The following B3GNT9 variants were observed in gnomAD, a reference collection of about 807,000 sequenced individuals.
B3GNT9 encodes BGnT-9.
For synonymous variants in B3GNT9, 359 were observed against 283.9 expected (o/e 1.26, Z -2.66); for missense variants, 669 against 599.2 (o/e 1.12, Z -1.22).
In B3GNT9 at chr16:67,149,830, C is replaced by T. The variant is rs1387654179; in HGVS notation, c.656G>A (p.Cys219Tyr). 3 of 1,613,660 alleles carry T rather than the reference C, an allele frequency of 1.9e-6. No individual in the cohort carries two copies. The highest frequency in any genetic ancestry group is 2.2e-5 in the South Asian group (2 of 91,062). ...CTTAAAAACGAAGCGCACGTCGGGG[C>T]AGAAAGCTGAGGCCCAGGCTAGAAA... Reference protein sequence around the residue: ...IHFLAWASAFCPDVRFVFKGD... With the variant: ...IHFLAWASAFYPDVRFVFKGD... The change falls in exon 2 of 2, where the codon TGC becomes TAC. Residue 219 changes from cysteine to tyrosine, a missense_variant. Physicochemically the swap from Cys to Tyr is radical, Grantham distance 194 (BLOSUM62 -2). Coordinates refer to ENST00000449549, the MANE Select transcript of B3GNT9 (RefSeq NM_033309.3).
At position 67,149,646 on chromosome 16, in the gene B3GNT9, C is replaced by T. The variant is rs2030376374; in HGVS notation, c.840G>A (p.Leu280=). ...CGCCCGCGTAGGCCGGATAGGCGGG[C>T]AGGCCGTACACGGCCTCGGGGATGT... ...KYYIPEAVYG[L]PAYPAYAGGG... is the part of the protein sequence containing the mutation. The change falls in exon 2 of 2, where the codon CTG becomes CTA. Residue 280 remains leucine (L), a synonymous_variant. Coordinates refer to ENST00000449549, the MANE Select transcript of B3GNT9 (RefSeq NM_033309.3). The T allele has an allele frequency of 6.2e-7, 1 of 1,601,418 alleles. No homozygotes were observed. Among genetic ancestry groups the T allele is most frequent in the Non-Finnish European group, 8.5e-7 (1 of 1,174,396 alleles).
At position 67,149,420 on chromosome 16, in the gene B3GNT9, A is replaced by T; in HGVS notation, c.1066T>A (p.Cys356Ser). The T allele has an allele frequency of 6.2e-7, 1 of 1,604,558 alleles. No homozygotes were observed. Among genetic ancestry groups the T allele is most frequent in the South Asian group, 1.1e-5 (1 of 89,578 alleles). The part of the protein sequence containing the change: ...AAPHLSTFDP[C>S]FYRELVVVHG... ...ACTACAACCAGCTCACGGTAAAAGC[A>T]GGGGTCGAAGGTGCTCAAATGCGGC... Residue 356 changes from cysteine (C) to serine (S), a missense_variant, in exon 2 of 2, where the codon TGC (cysteine) becomes AGC (serine). By Grantham distance (112) the Cys-to-Ser change is moderately radical. Coordinates refer to ENST00000449549, the MANE Select transcript of B3GNT9 (RefSeq NM_033309.3).
At position 67,149,084 on chromosome 16, in the gene B3GNT9, A is replaced by T. The variant is rs767594917; in HGVS notation, c.*193T>A. 3.1e-5 allele frequency: 38 copies of T among 1,237,856 alleles called. No homozygotes were observed. The South Asian group carries it at 5.3e-4, about 17-fold the overall frequency. The allele number at this position is 1,237,856 out of a possible 1,614,324, so 76.7% of individuals were successfully genotyped here. ...CTACCACCCAGCCTTGGCTCGCTCA[A>T]AGGGTCACCATTACACGGGTTTCAA... On this transcript the variant is annotated 3_prime_UTR_variant, in exon 2 of 2. Coordinates refer to ENST00000449549, the MANE Select transcript of B3GNT9 (RefSeq NM_033309.3).
Position 67,148,559 on chromosome 16 carries a change from T to A in B3GNT9, c.*718A>T, listed in dbSNP as rs1000963083. ...TATTAAGGTAAGTGTGGGTATTGGTTTTTTGAGCAAGGGGGTGGTTGAAGC... is the reference window on the plus strand; with the variant it reads ...TATTAAGGTAAGTGTGGGTATTGGTATTTTGAGCAAGGGGGTGGTTGAAGC... On this transcript the variant is annotated 3_prime_UTR_variant, in exon 2 of 2. Transcript: ENST00000449549. The A allele has an allele frequency of 1.3e-5, 2 of 152,242 alleles. No homozygotes were observed. The highest frequency in any genetic ancestry group is 2.9e-5 in the Non-Finnish European group (2 of 68,090). 9.4% of individuals were successfully genotyped at this position (152,242 alleles called of 1,614,324 possible). A position where few individuals can be genotyped will look rare whatever the true frequency, so the allele number is the denominator to read the frequency against.
chr16:67,149,457 C>T lies in B3GNT9; in HGVS notation c.1029G>A (p.Gln343=). The T allele has an allele frequency of 5.0e-6, 8 of 1,607,512 alleles. No individual in the cohort carries two copies. The highest frequency in any genetic ancestry group is 6.8e-6 in the Non-Finnish European group (8 of 1,176,960). Residue 343 remains glutamine, a synonymous_variant, in exon 2 of 2, where the codon CAG becomes CAA. Coordinates refer to ENST00000449549, the MANE Select transcript of B3GNT9 (RefSeq NM_033309.3). The part of the protein sequence containing the change: ...HPAFRTFGIP[Q]PSAAPHLSTF... ...TGCTCAAATGCGGCGCGGCTGAAGG[C>T]TGGGGGATGCCAAAGGTGCGGAAGG...
Position 67,150,142 on chromosome 16 carries a change from C to A in B3GNT9, c.344G>T (p.Arg115Leu), listed in dbSNP as rs2030411407. Reference sequence around the variant, plus strand: ...CTTGACAGCAATAAGCAGGTCCGGGCGGCCACCGGGTGCGCCGTCGCCGCG... The same window carrying A: ...CTTGACAGCAATAAGCAGGTCCGGGAGGCCACCGGGTGCGCCGTCGCCGCG... Reference protein sequence around the residue: ...KCRGDGAPGGRPDLLIAVKSV... With the variant: ...KCRGDGAPGGLPDLLIAVKSV... Residue 115 changes from arginine to leucine, a missense_variant, in exon 2 of 2, where the codon CGC (arginine) becomes CTC (leucine). By Grantham distance (102) the Arg-to-Leu change is moderately radical. Coordinates refer to ENST00000449549, the MANE Select transcript of B3GNT9 (RefSeq NM_033309.3). The A allele has an allele frequency of 1.3e-6, 2 of 1,523,850 alleles. No homozygotes were observed. The highest frequency in any genetic ancestry group is 2.7e-5 in the East Asian group (1 of 37,638). The allele number at this position is 1,523,850 out of a possible 1,614,324, so 94.4% of individuals were successfully genotyped here. A position where few individuals can be genotyped will look rare whatever the true frequency, so the allele number is the denominator to read the frequency against.
In B3GNT9 at chr16:67,150,017, C is replaced by T; in HGVS notation, c.469G>A (p.Gly157Ser). The T allele has an allele frequency of 6.6e-7, 1 of 1,524,010 alleles. No individual in the cohort carries two copies. The allele number at this position is 1,524,010 out of a possible 1,614,324, so 94.4% of individuals were successfully genotyped here. Residue 157 changes from glycine (G) to serine (S), a missense_variant, in exon 2 of 2, where the codon GGC (glycine) becomes AGC (serine). Transcript: ENST00000449549. Reference protein sequence around the residue: ...GALVRRVFLLGVPRGAGSGGA... With the variant: ...GALVRRVFLLSVPRGAGSGGA... ...CCCGAGCCTGCGCCCCTGGGCACGCCCAGCAAGAACACGCGGCGCACCAGC... is the reference window on the plus strand; with the variant it reads ...CCCGAGCCTGCGCCCCTGGGCACGCTCAGCAAGAACACGCGGCGCACCAGC...
At position 67,149,933 on chromosome 16, in the gene B3GNT9, CGGCCCGCAGCAGGGCGCGCCAGTG is replaced by C. The variant is rs1265062964; in HGVS notation, c.529_552del (p.His177_Ala184del). The C allele has an allele frequency of 6.3e-7, 1 of 1,590,406 alleles. No individual in the cohort carries two copies. Among genetic ancestry groups the C allele is most frequent in the Non-Finnish European group, 8.6e-7 (1 of 1,168,824 alleles). The stretch of plus-strand genomic sequence containing the variant: ...AGGATGTCCGCATACGCAAGGCTCT[CGGCCCGCAGCAGGGCGCGCCAGTG>C]GGTTCGCGCGCCCTCCCCAACTTCG... On this transcript the variant is annotated inframe_deletion, in exon 2 of 2. Coordinates refer to ENST00000449549, the MANE Select transcript of B3GNT9 (RefSeq NM_033309.3).
rs1230405397 is a variant in B3GNT9, at chr16:67,148,794, CATA to C, written c.*480_*482del. 1 of 153,426 alleles carries C rather than the reference CATA, an allele frequency of 6.5e-6. No homozygotes were observed. 9.5% of individuals were successfully genotyped at this position (153,426 alleles called of 1,614,324 possible). A position where few individuals can be genotyped will look rare whatever the true frequency, so the allele number is the denominator to read the frequency against. On this transcript the variant is annotated 3_prime_UTR_variant, in exon 2 of 2. Coordinates refer to ENST00000449549, the MANE Select transcript of B3GNT9 (RefSeq NM_033309.3). ...TGGGCCCAGGAGAGGTTGTGGGAAG[CATA>C]ATATCTGTTTTCAGATGAGCTATGG...
intron 1 of B3GNT9, 32 bp downstream of exon 1, chr16:67,150,833 T>G: frequency 4.9e-6 from 1 of 203,166 alleles, no homozygotes; most frequent in Non-Finnish European, 9.7e-6. Context: ...TGCCATCCCC[T>G]CAATGTCGGG....
Position 67,149,921 on chromosome 16 carries a change from A to G in B3GNT9, c.565T>C (p.Tyr189His). 1.2e-6 allele frequency: 2 copies of G among 1,601,120 alleles called. 1 individual carries two copies. The highest frequency in any genetic ancestry group is 2.2e-5 in the South Asian group (2 of 89,340). The change falls in exon 2 of 2, where the codon TAT becomes CAT. Residue 189 changes from tyrosine to histidine, a missense_variant. By Grantham distance (83) the Tyr-to-His change is moderately conservative. Coordinates refer to ENST00000449549, the MANE Select transcript of B3GNT9 (RefSeq NM_033309.3). ...RALLRAESLA[Y>H]ADILLWAFDD... ...AAGGCCCAGAGCAGGATGTCCGCAT[A>G]CGCAAGGCTCTCGGCCCGCAGCAGG... is the stretch of plus-strand genomic sequence containing the variant.
In B3GNT9 at chr16:67,149,927, GGCTCT is replaced by G; in HGVS notation, c.554_558del (p.Glu185AlafsTer17). 6.3e-7 allele frequency: 1 copy of G among 1,596,760 alleles called. No homozygotes were observed. Among genetic ancestry groups the G allele is most frequent in the Non-Finnish European group, 8.5e-7 (1 of 1,171,802 alleles). Reference sequence around the variant, plus strand: ...CAGAGCAGGATGTCCGCATACGCAAGGCTCTCGGCCCGCAGCAGGGCGCGCCAGTG... The same window carrying G: ...CAGAGCAGGATGTCCGCATACGCAAGCGGCCCGCAGCAGGGCGCGCCAGTG... On this transcript the variant is annotated frameshift_variant, in exon 2 of 2. Coordinates refer to ENST00000449549, the MANE Select transcript of B3GNT9 (RefSeq NM_033309.3). LOFTEE classifies it low-confidence loss of function (END_TRUNC).
In B3GNT9 at chr16:67,148,353, T is replaced by G. The variant is rs944095928; in HGVS notation, c.*924A>C. The G allele has an allele frequency of 6.5e-6, 1 of 152,806 alleles. No individual in the cohort carries two copies. The highest frequency in any genetic ancestry group is 1.9e-4 in the East Asian group (1 of 5,188). 9.5% of individuals were successfully genotyped at this position (152,806 alleles called of 1,614,324 possible). On this transcript the variant is annotated 3_prime_UTR_variant, in exon 2 of 2. Coordinates refer to ENST00000449549, the MANE Select transcript of B3GNT9 (RefSeq NM_033309.3). ...CGACTTTTGTGACTGACTGGTGTCT[T>G]CCCATTTGGACTGTGGCCTGGCCAG...
chr16:67,149,615 C>T lies in B3GNT9; in HGVS notation c.871G>A (p.Gly291Ser). The change falls in exon 2 of 2, where the codon GGC becomes AGC. Residue 291 changes from glycine (G) to serine (S), a missense_variant. Coordinates refer to ENST00000449549, the MANE Select transcript of B3GNT9 (RefSeq NM_033309.3). ...PAYPAYAGGG[G>S]FVLSGATLHR... The stretch of plus-strand genomic sequence containing the variant: ...AGCGTGGCCCCGGAAAGCACAAAGC[C>T]ACCGCCGCCCGCGTAGGCCGGATAG... The T allele has an allele frequency of 6.3e-7, 1 of 1,597,246 alleles. No individual in the cohort carries two copies. Among genetic ancestry groups the T allele is most frequent in the African/African-American group, 1.3e-5 (1 of 74,708 alleles).
Position 67,149,912 on chromosome 16 carries a change from T to C in B3GNT9, c.574A>G (p.Ile192Val), listed in dbSNP as rs1229102504. The change falls in exon 2 of 2, where the codon ATC becomes GTC. Residue 192 changes from isoleucine (I) to valine (V), a missense_variant. Coordinates refer to ENST00000449549, the MANE Select transcript of B3GNT9 (RefSeq NM_033309.3). ...GTGTCGTCGAAGGCCCAGAGCAGGA[T>C]GTCCGCATACGCAAGGCTCTCGGCC... is the stretch of plus-strand genomic sequence containing the variant. ...LRAESLAYAD[I>V]LLWAFDDTFF... is the part of the protein sequence containing the mutation. 6.2e-7 allele frequency: 1 copy of C among 1,604,890 alleles called. No homozygotes were observed. Among genetic ancestry groups the C allele is most frequent in the Admixed American group, 1.7e-5 (1 of 58,362 alleles).
In B3GNT9 at chr16:67,149,974, C is replaced by T; in HGVS notation, c.512G>A (p.Gly171Glu). The T allele has an allele frequency of 6.5e-7, 1 of 1,544,086 alleles. No individual in the cohort carries two copies. Among genetic ancestry groups the T allele is most frequent in the Non-Finnish European group, 8.7e-7 (1 of 1,144,148 alleles). ...GAGSGGADEV[G>E]EGARTHWRAL... ...GCGCCAGTGGGTTCGCGCGCCCTCCCCAACTTCGTCGGCCCCGCCCGAGCC... is the reference window on the plus strand; with the variant it reads ...GCGCCAGTGGGTTCGCGCGCCCTCCTCAACTTCGTCGGCCCCGCCCGAGCC... The change falls in exon 2 of 2, where the codon GGG becomes GAG. Residue 171 changes from glycine to glutamate, a missense_variant. Transcript: ENST00000449549.
Position 67,150,247 on chromosome 16 carries a change from C to T in B3GNT9, c.239G>A (p.Gly80Glu), listed in dbSNP as rs766091416. 8 of 1,528,390 alleles carry T rather than the reference C, an allele frequency of 5.2e-6. No individual in the cohort carries two copies. The highest frequency in any genetic ancestry group is 7.0e-6 in the Non-Finnish European group (8 of 1,137,920). The allele number at this position is 1,528,390 out of a possible 1,614,324, so 94.7% of individuals were successfully genotyped here. The stretch of plus-strand genomic sequence containing the variant: ...CAAATAGCGGGCGAAGTCAAAGGGT[C>T]CCGTAGGCGTGGGCGGCGCCGGTGT... Reference protein sequence around the residue: ...GDTPAPPTPTGPFDFARYLRA... With the variant: ...GDTPAPPTPTEPFDFARYLRA... The change falls in exon 2 of 2, where the codon GGA becomes GAA. Residue 80 changes from glycine (G) to glutamate (E), a missense_variant. Physicochemically the swap from Gly to Glu is moderately conservative, Grantham distance 98. Transcript: ENST00000449549.
chr16:67,149,979 T>C lies in B3GNT9; in HGVS notation c.507A>G (p.Glu169=), dbSNP rs774013450. 2.6e-6 allele frequency: 4 copies of C among 1,541,434 alleles called. No individual in the cohort carries two copies. The South Asian group carries it at 4.8e-5, about 19-fold the overall frequency. The change falls in exon 2 of 2, where the codon GAA becomes GAG. Residue 169 remains glutamate, a synonymous_variant. Transcript: ENST00000449549. ...AGTGGGTTCGCGCGCCCTCCCCAACTTCGTCGGCCCCGCCCGAGCCTGCGC... is the reference window on the plus strand; with the variant it reads ...AGTGGGTTCGCGCGCCCTCCCCAACCTCGTCGGCCCCGCCCGAGCCTGCGC... ...PRGAGSGGAD[E]VGEGARTHWR... is the part of the protein sequence containing the mutation.
Position 67,149,922 on chromosome 16 carries a change from C to T in B3GNT9, c.564G>A (p.Ala188=), listed in dbSNP as rs1597225336. 6.2e-7 allele frequency: 1 copy of T among 1,600,460 alleles called. No individual in the cohort carries two copies. Among genetic ancestry groups the T allele is most frequent in the Non-Finnish European group, 8.5e-7 (1 of 1,173,526 alleles). Residue 188 remains alanine (A), a synonymous_variant, in exon 2 of 2, where the codon GCG becomes GCA. Transcript: ENST00000449549. ...AGGCCCAGAGCAGGATGTCCGCATA[C>T]GCAAGGCTCTCGGCCCGCAGCAGGG... The part of the protein sequence containing the change: ...WRALLRAESL[A]YADILLWAFD...
Sources: gnomAD v4.1 joint callset for allele counts on GRCh38, gnomAD v4.1.1 for gene constraint, MANE v1.5 for transcripts, NCBI Gene and HGNC (gene_info 2026-07-23, HGNC 2026-07-21) for gene names.